Variants in GABRG1 observed in about 807,000 individuals in gnomAD.
The protein encoded by GABRG1 is gamma-aminobutyric acid type A receptor subunit gamma1, also known as gamma-aminobutyric acid receptor subunit gamma-1.
In GABRG1, 49 loss-of-function variants were observed where a neutral mutation model predicts 49.8. The observed-to-expected ratio is 0.98, with a 90% confidence interval of 0.78 to 1.25. GABRG1 has a LOEUF of 1.25. Among genes scored for constraint, GABRG1 ranks in the 50% most tolerant of loss-of-function variants. The pLI is 0.00. For synonymous variants in GABRG1, 232 were observed against 185.1 expected (o/e 1.25, Z -2.06); for missense variants, 552 against 552.3 (o/e 1.00, Z 0.01).
chr4:46,120,393 T>TTAGCCATAAG (rs1721058649), intron 1 of GABRG1, among the ~76,000 whole-genome samples: 1 of 151,788 alleles, frequency 6.6e-6, no homozygotes, highest in Non-Finnish European at 1.5e-5. Context: ...ACATTTCCTC[T>TTAGCCATAAG]TGTTCCTTAG....
intron 3 of GABRG1, among the ~76,000 whole-genome samples, chr4:46,073,592 C>G (rs958262681): frequency 6.6e-6 from 1 of 151,924 alleles, no homozygotes; most frequent in African/African-American, 2.4e-5. Flanking sequence ...GCATGGAGCA[C>G]GCTTCCTAAG....
chr4:46,091,492 T>A (rs2109427841), intron 2 of GABRG1, among the ~76,000 whole-genome samples: 1 of 152,166 alleles, frequency 6.6e-6, no homozygotes, highest in African/African-American at 2.4e-5. Flanking sequence ...ATCGTAATGA[T>A]CAAAGATTTT....
At chr4:46,076,511 A>T (rs1197305977) in intron 3 of GABRG1, among the ~76,000 whole-genome samples, 3 of 151,108 alleles carry the variant, frequency 2.0e-5, no homozygotes, top group African/African-American at 7.3e-5. Flanking sequence ...GTAAAAAATT[A>T]GGAATCATAA....
chr4:46,088,843 G>T (rs1304639977), intron 2 of GABRG1, among the ~76,000 whole-genome samples: 3 of 150,598 alleles, frequency 2.0e-5, no homozygotes, highest in African/African-American at 7.3e-5. Context: ...GTGTGTGTGT[G>T]TATTCCCAAG....
At chr4:46,089,775 C>T (rs1244025431) in intron 2 of GABRG1, among the ~76,000 whole-genome samples, 1 of 151,844 alleles carries the variant, frequency 6.6e-6, no homozygotes, top group Non-Finnish European at 1.5e-5. Context: ...TCAGCCTGGG[C>T]AACATGGTGA....
chr4:46,081,881 C>T (rs1017014129), intron 3 of GABRG1, among the ~76,000 whole-genome samples: 2 of 151,782 alleles, frequency 1.3e-5, no homozygotes, highest in African/African-American at 4.8e-5. Flanking sequence ...AGAGAAAAGA[C>T]CATGTAAGGA....
At chr4:46,090,615 G>A (rs1011526695) in intron 2 of GABRG1, among the ~76,000 whole-genome samples, 15 of 151,860 alleles carry the variant, frequency 9.9e-5, no homozygotes, top group African/African-American at 3.6e-4. Context: ...TTCCTTTGTG[G>A]TTTAATTGAT....
intron 1 of GABRG1, 129 bp from the exon 2 acceptor site, chr4:46,097,478 T>C (rs370485080): frequency 1.5e-5 from 12 of 790,080 alleles, no homozygotes; most frequent in African/African-American, 8.9e-5. Flanking sequence ...ACACTAACAT[T>C]ACATTTAGTA....
chr4:46,115,284 T>G (rs918813652), intron 1 of GABRG1, among the ~76,000 whole-genome samples: 5 of 150,688 alleles, frequency 3.3e-5, no homozygotes, highest in African/African-American at 1.2e-4. Flanking sequence ...AATATATAGA[T>G]GTATCCCAAA....
At chr4:46,059,477 G>C (rs543669002) in intron 5 of GABRG1, among the ~76,000 whole-genome samples, 2 of 151,472 alleles carry the variant, frequency 1.3e-5, no homozygotes, top group Admixed American at 1.3e-4. Flanking sequence ...AATGTCTGCC[G>C]CCCAGGTTCA....
intron 3 of GABRG1, among the ~76,000 whole-genome samples, chr4:46,078,036 A>G (rs1434404408): frequency 1.3e-5 from 2 of 151,714 alleles, no homozygotes; most frequent in Non-Finnish European, 2.9e-5. Flanking sequence ...TAAATTTTTT[A>G]TTATTTTAAA....
intron 2 of GABRG1, among the ~76,000 whole-genome samples, chr4:46,090,199 A>G (rs181643706): frequency 6.6e-6 from 1 of 152,244 alleles, no homozygotes; most frequent in Admixed American, 6.5e-5. Flanking sequence ...AGTCAGATGC[A>G]CAGAAAAAAA....
intron 7 of GABRG1, among the ~76,000 whole-genome samples, chr4:46,054,717 G>GAAACTA (rs1718367696): frequency 1.1e-4 from 1 of 8,752 alleles, no homozygotes; most frequent in African/African-American, 7.2e-4. Context: ...AGACTTTGCT[G>GAAACTA]AAGTTGCTTA....
rs1720649187 is a variant in GABRG1, at chr4:46,109,257, T to A, written c.105-11908A>T. Among the ~76,000 whole-genome samples, 5 of 151,034 alleles carry A rather than the reference T, an allele frequency of 3.3e-5. No homozygotes were observed. The South Asian group carries it at 1.0e-3, about 31-fold the overall frequency. On this transcript the variant is annotated intron_variant, in intron 1 of 8. Transcript: ENST00000295452. ...ACTGATTCAATCTTGGAAGATTGTGTGTTTCCAGGAATTTATGCATTTGCT... is the reference window on the plus strand; with the variant it reads ...ACTGATTCAATCTTGGAAGATTGTGAGTTTCCAGGAATTTATGCATTTGCT...
intron 3 of GABRG1, among the ~76,000 whole-genome samples, chr4:46,071,837 A>G (rs1266109742): frequency 6.6e-6 from 1 of 152,096 alleles, no homozygotes; most frequent in African/African-American, 2.4e-5. Flanking sequence ...AACTTATAAT[A>G]AATTTATAAA....
At chr4:46,075,138 T>G (rs547902335) in intron 3 of GABRG1, among the ~76,000 whole-genome samples, 1 of 152,038 alleles carries the variant, frequency 6.6e-6, no homozygotes. Flanking sequence ...ACACGGTTTC[T>G]TTCAATGACT....
chr4:46,038,397 A>G lies in GABRG1; in HGVS notation c.*2591T>C, dbSNP rs1717614644. The G allele has an allele frequency of 6.6e-6, 1 of 151,714 alleles. No individual in the cohort carries two copies. The highest frequency in any genetic ancestry group is 2.4e-5 in the African/African-American group (1 of 41,412). The allele number at this position is 151,714 out of a possible 1,614,324, so 9.4% of individuals were successfully genotyped here. A position where few individuals can be genotyped will look rare whatever the true frequency, so the allele number is the denominator to read the frequency against. ...TCTATATAAACAAACATTTTTACAA[A>G]TGATCTTATTCCTTGTGCTCCAGGT... On this transcript the variant is annotated 3_prime_UTR_variant, in exon 9 of 9. Coordinates refer to ENST00000295452, the MANE Select transcript of GABRG1 (RefSeq NM_173536.4).
intron 8 of GABRG1, among the ~76,000 whole-genome samples, chr4:46,044,368 C>T (rs1213696710): frequency 6.6e-6 from 1 of 151,734 alleles, no homozygotes; most frequent in Non-Finnish European, 1.5e-5. Flanking sequence ...GCAATCCCAG[C>T]TATTTGGGAG....
At chr4:46,073,620 T>C (rs567343801) in intron 3 of GABRG1, among the ~76,000 whole-genome samples, 1 of 152,106 alleles carries the variant, frequency 6.6e-6, no homozygotes, top group East Asian at 1.9e-4. Context: ...CATAGTATGG[T>C]AACAAATATA....
Sources: gnomAD v4.1 joint callset for allele counts (sites outside exome capture counted in the v4.1 genomes callset) on GRCh38, gnomAD v4.1.1 for gene constraint, MANE v1.5 for transcripts, NCBI Gene and HGNC (gene_info 2026-07-23, HGNC 2026-07-21) for gene names.